Variants in FGF13 observed in about 807,000 individuals in gnomAD.
FGF13 encodes fibroblast growth factor homologous factor 2.
In FGF13, 2 loss-of-function variants were observed where a neutral mutation model predicts 19.5. That is an observed-to-expected ratio of 0.10 (90% CI 0.04 to 0.32). The LOEUF (loss-of-function observed/expected upper bound fraction) is 0.32. FGF13 is among the 10% of genes least tolerant of loss of function. The pLI, the probability that FGF13 is intolerant of heterozygous loss-of-function variation, is 1.00. For missense variants in FGF13, 113 were observed against 192.7 expected (o/e 0.59, Z 2.45); for synonymous variants, 72 against 76.9 (o/e 0.94, Z 0.33).
At position 138,614,922 on chromosome X, in the gene FGF13, AG is replaced by A. The variant is rs1447382698; in HGVS notation, c.*17927del. 2 of 112,370 alleles carry A rather than the reference AG, an allele frequency of 1.8e-5. No homozygotes were observed. Among genetic ancestry groups the A allele is most frequent in the Non-Finnish European group, 3.8e-5 (2 of 53,294 alleles). 9.3% of individuals were successfully genotyped at this position (112,370 alleles called of 1,213,427 possible). A position where few individuals can be genotyped will look rare whatever the true frequency, so the allele number is the denominator to read the frequency against. On this transcript the variant is annotated 3_prime_UTR_variant, in exon 5 of 5. Transcript: ENST00000315930. The stretch of plus-strand genomic sequence containing the variant: ...CAAGGGAATTGTGCTGAGTGACAAA[AG>A]CCAATCTCTATGTGTTATATACTGT...
Position 139,177,989 on chromosome X carries a change from C to A in FGF13, c.-113+25427G>T, listed in dbSNP as rs190516905. Among the ~76,000 whole-genome samples the A allele has an allele frequency of 1.2e-4, 14 of 112,253 alleles. No homozygotes were observed. The East Asian group carries it at 4.0e-3, about 32-fold the overall frequency. ...GGGACTTCCCCAGCTCCTTGTGCTT[C>A]CCAGGTGAGGTGACGTCCCACCCTG... is the stretch of plus-strand genomic sequence containing the variant. On this transcript the variant is annotated intron_variant, in intron 1 of 2. Transcript: ENST00000421460.
intron 1 of FGF13, among the ~76,000 whole-genome samples, chrX:139,027,846 C>T (rs1051683499): frequency 8.1e-5 from 9 of 111,724 alleles, no homozygotes; most frequent in Non-Finnish European, 1.5e-4. Flanking sequence ...AATTCTGGGA[C>T]GAAGATATGC....
intron 3 of FGF13, among the ~76,000 whole-genome samples, chrX:138,765,728 C>T (rs189487763): frequency 1.4e-4 from 16 of 111,618 alleles, no homozygotes; most frequent in Non-Finnish European, 3.8e-5. Flanking sequence ...TCAATCTCTC[C>T]GAGCCCTTTG....
chrX:139,051,539 C>T (rs886551943), intron 1 of FGF13, among the ~76,000 whole-genome samples: 1 of 111,951 alleles, frequency 8.9e-6, no homozygotes, highest in African/African-American at 3.2e-5. Flanking sequence ...CTCTGTGGCA[C>T]CTCTGTGGAA....
At chrX:139,136,322 C>T (rs1038640112) in intron 1 of FGF13, among the ~76,000 whole-genome samples, 3 of 110,896 alleles carry the variant, frequency 2.7e-5, no homozygotes, top group African/African-American at 9.9e-5. Context: ...TACACTGTAA[C>T]TAATGTATAG....
intron 1 of FGF13, among the ~76,000 whole-genome samples, chrX:139,103,633 A>C (rs2083533783): frequency 8.9e-6 from 1 of 112,099 alleles, no homozygotes; most frequent in African/African-American, 3.2e-5. Flanking sequence ...AAATTCTGTG[A>C]ATATACTAAA....
At chrX:139,180,256 C>T (rs1382241855) in intron 1 of FGF13, among the ~76,000 whole-genome samples, 1 of 112,270 alleles carries the variant, frequency 8.9e-6, no homozygotes, top group Non-Finnish European at 1.9e-5. Context: ...CTCACCACCA[C>T]TGCAGATATA....
At chrX:139,067,623 G>A (rs1016039152) in intron 1 of FGF13, among the ~76,000 whole-genome samples, 7 of 111,874 alleles carry the variant, frequency 6.3e-5, no homozygotes, top group Non-Finnish European at 1.3e-4. Context: ...ACTGCTCAAC[G>A]AAATAAAAGA....
At chrX:138,664,217 A>T (rs1451141413) in intron 3 of FGF13, among the ~76,000 whole-genome samples, 1 of 111,935 alleles carries the variant, frequency 8.9e-6, no homozygotes, top group Non-Finnish European at 1.9e-5. Flanking sequence ...TGATTGATGC[A>T]ATGAAGCCTG....
rs149861208 is a variant in FGF13, at chrX:138,696,556, G to C, written c.402+6428C>G. 7.1e-3 allele frequency among the ~76,000 whole-genome samples: 789 copies of C among 111,870 alleles called. 5 individuals carry two copies. Among genetic ancestry groups the C allele is most frequent in the African/African-American group, 0.024 (728 of 30,807 alleles). ...ATAGATAATGGAAAAGCGGTCAATA[G>C]TCTGGAATATGAAAAGGTCCAAGAG... On this transcript the variant is annotated intron_variant, in intron 3 of 4. Transcript: ENST00000315930.
At chrX:138,867,711 G>A (rs1245477241) in intron 1 of FGF13, among the ~76,000 whole-genome samples, 1 of 110,993 alleles carries the variant, frequency 9.0e-6, no homozygotes, top group Admixed American at 9.6e-5. Flanking sequence ...CACAATATGT[G>A]GGAATTATGG....
At chrX:138,766,029 T>C (rs1024635713) in intron 3 of FGF13, among the ~76,000 whole-genome samples, 10 of 111,934 alleles carry the variant, frequency 8.9e-5, no homozygotes, top group African/African-American at 3.2e-4. Context: ...GTCATTTCTC[T>C]AAGAAAATCT....
intron 1 of FGF13, among the ~76,000 whole-genome samples, chrX:138,976,756 G>C (rs952086449): frequency 9.0e-6 from 1 of 111,022 alleles, no homozygotes; most frequent in South Asian, 3.9e-4. Flanking sequence ...ATTGAAAATG[G>C]ATTAAGGTGA....
chrX:138,906,695 T>G (rs1457727641), intron 1 of FGF13, among the ~76,000 whole-genome samples: 1 of 111,665 alleles, frequency 9.0e-6, no homozygotes, highest in Non-Finnish European at 1.9e-5. Flanking sequence ...GTTTCAATAC[T>G]CCTGGTGACT....
intron 1 of FGF13, among the ~76,000 whole-genome samples, chrX:138,990,894 G>A (rs2092012966): frequency 8.9e-6 from 1 of 112,033 alleles, no homozygotes; most frequent in Admixed American, 9.4e-5. Flanking sequence ...GGAGAACAAA[G>A]TCCCCCTTCC....
At chrX:138,787,027 C>G (rs1257433317) in intron 3 of FGF13, among the ~76,000 whole-genome samples, 2 of 112,500 alleles carry the variant, frequency 1.8e-5, no homozygotes, top group South Asian at 7.3e-4. Flanking sequence ...AGCTCCTGGA[C>G]CAAATTGTCA....
At chrX:138,744,467 G>C (rs2090341584) in intron 3 of FGF13, among the ~76,000 whole-genome samples, 1 of 111,761 alleles carries the variant, frequency 8.9e-6, no homozygotes, top group Non-Finnish European at 1.9e-5. Context: ...AATTAAATGA[G>C]ATATTTATAT....
At chrX:139,200,837 C>T (rs929253824) in intron 1 of FGF13, among the ~76,000 whole-genome samples, 4 of 112,286 alleles carry the variant, frequency 3.6e-5, no homozygotes, top group African/African-American at 1.3e-4. Context: ...CAGAAACAGC[C>T]TTAACTGAGT....
intron 1 of FGF13, among the ~76,000 whole-genome samples, chrX:139,176,548 G>A (rs2084187235): frequency 9.1e-6 from 1 of 110,145 alleles, no homozygotes; most frequent in Non-Finnish European, 1.9e-5. Flanking sequence ...TCTCCTGTGG[G>A]CATTTATTGC....
Sources: gnomAD v4.1 joint callset for allele counts (sites outside exome capture counted in the v4.1 genomes callset) on GRCh38, gnomAD v4.1.1 for gene constraint, MANE v1.5 for transcripts, NCBI Gene and HGNC (gene_info 2026-07-23, HGNC 2026-07-21) for gene names.